The following WDR27 variants were observed in gnomAD, a reference collection of about 807,000 sequenced individuals.
WDR27 encodes WD repeat domain 27.
In WDR27, 100 loss-of-function variants were observed where a neutral mutation model predicts 114.4. The observed-to-expected ratio is 0.87, with a 90% CI of 0.74 to 1.03. The LOEUF is 1.03. Among genes scored for constraint, WDR27 ranks in the 50% least tolerant of loss-of-function variants. The pLI is 0.00. For missense variants in WDR27, 1,129 were observed against 1,092.9 expected (o/e 1.03, Z -0.47); for synonymous variants, 449 against 423.1 (o/e 1.06, Z -0.75).
intron 25 of WDR27, among the ~76,000 whole-genome samples, chr6:169,485,236 A>G (rs1335977345): frequency 6.6e-6 from 1 of 152,220 alleles, no homozygotes; most frequent in Non-Finnish European, 1.5e-5. Flanking sequence ...GATAACCTAC[A>G]GGATAAGATA....
At chr6:169,452,798 G>C (rs762684112), downstream of WDR27, among the ~76,000 whole-genome samples, 1 of 152,248 alleles carries the variant, frequency 6.6e-6, no homozygotes, top group Non-Finnish European at 1.5e-5. Context: ...AGAGAGAAAA[G>C]GCAATATGGC....
chr6:169,589,745 T>G (rs879320436), intron 23 of WDR27, among the ~76,000 whole-genome samples: 4 of 152,174 alleles, frequency 2.6e-5, no homozygotes, highest in Non-Finnish European at 5.9e-5. Flanking sequence ...ATAAGCCTCT[T>G]GTATGACACA....
intron 1 of WDR27, among the ~76,000 whole-genome samples, chr6:169,696,277 C>T (rs1299864710): frequency 1.3e-5 from 2 of 152,100 alleles, no homozygotes; most frequent in Non-Finnish European, 2.9e-5. Context: ...CAGGGTGACC[C>T]AAGGGTTGAG....
intron 24 of WDR27, among the ~76,000 whole-genome samples, chr6:169,578,415 G>A (rs1316937681): frequency 6.6e-6 from 1 of 152,154 alleles, no homozygotes; most frequent in East Asian, 1.9e-4. Context: ...TTGGATGAAT[G>A]GCAAGTCTAT....
intron 25 of WDR27, among the ~76,000 whole-genome samples, chr6:169,534,532 GT>G (rs760005460): frequency 6.6e-6 from 1 of 151,582 alleles, no homozygotes. Context: ...TTTGTGGGAA[GT>G]TTTTTTTATT....
chr6:169,674,012 T>C (rs1364204130), intron 2 of WDR27, among the ~76,000 whole-genome samples: 1 of 152,210 alleles, frequency 6.6e-6, no homozygotes, highest in African/African-American at 2.4e-5. Context: ...CAGTTATGAA[T>C]TGACTTAACA....
chr6:169,584,254 C>T (rs567337954), intron 23 of WDR27, among the ~76,000 whole-genome samples: 2 of 152,124 alleles, frequency 1.3e-5, no homozygotes, highest in African/African-American at 2.4e-5. Flanking sequence ...CAGGCTATAC[C>T]GTTGTGTGTA....
intron 25 of WDR27, among the ~76,000 whole-genome samples, chr6:169,557,437 A>G (rs919530249): frequency 6.6e-6 from 1 of 152,164 alleles, no homozygotes; most frequent in African/African-American, 2.4e-5. Context: ...GTGCAGGTGC[A>G]CCTGTGATGC....
intron 3 of WDR27, 134 bp from the exon 4 acceptor site, chr6:169,670,827 T>C: frequency 7.8e-7 from 1 of 1,278,438 alleles, no homozygotes. Flanking sequence ...GATGTGATTT[T>C]GATTCTTTAA....
chr6:169,654,101 A>C (rs745363458), intron 13 of WDR27, among the ~76,000 whole-genome samples: 20 of 152,350 alleles, frequency 1.3e-4, no homozygotes, highest in Non-Finnish European at 2.9e-4. Flanking sequence ...CAAAAAACTA[A>C]AGGCCCACTT....
chr6:169,635,021 G>C (rs763168825), intron 19 of WDR27, among the ~76,000 whole-genome samples: 1 of 152,222 alleles, frequency 6.6e-6, no homozygotes, highest in African/African-American at 2.4e-5. Flanking sequence ...TGCCAGCCGA[G>C]ATGGGAACGC....
chr6:169,494,000 C>T (rs1327892602), intron 25 of WDR27, among the ~76,000 whole-genome samples: 2 of 152,172 alleles, frequency 1.3e-5, no homozygotes, highest in African/African-American at 4.8e-5. Flanking sequence ...GACTCTGATA[C>T]TTTCGACTGT....
chr6:169,528,719 G>T (rs1795232209), intron 25 of WDR27, among the ~76,000 whole-genome samples: 1 of 152,166 alleles, frequency 6.6e-6, no homozygotes, highest in Non-Finnish European at 1.5e-5. Context: ...TAGAGACGGG[G>T]TTTCACCATG....
chr6:169,440,419 C>T, the WDR27 span, among the ~76,000 whole-genome samples: 8 of 152,080 alleles, frequency 5.3e-5, no homozygotes, highest in Non-Finnish European at 8.8e-5. Context: ...TTTCAGGGGA[C>T]AAGCCTCACG....
chr6:169,472,736 T>C (rs16888048), intron 25 of WDR27, among the ~76,000 whole-genome samples: 1 of 152,202 alleles, frequency 6.6e-6, no homozygotes, highest in Non-Finnish European at 1.5e-5. Flanking sequence ...TGTGTGAGCA[T>C]TATTATTCTG....
intron 21 of WDR27, among the ~76,000 whole-genome samples, chr6:169,621,180 A>G (rs1406408457): frequency 6.6e-6 from 1 of 152,158 alleles, no homozygotes; most frequent in East Asian, 1.9e-4. Flanking sequence ...ATGCATGCAC[A>G]TATACATACA....
chr6:169,646,464 G>A lies in WDR27; in HGVS notation c.1657+1309C>T, dbSNP rs562780568. ...AAAAACAGGGTAGAAATAAATGATA[G>A]AGCTGGGCGCAGCGGCTCACACCTG... On this transcript the variant is annotated intron_variant, in intron 16 of 25. Coordinates refer to ENST00000448612, the MANE Select transcript of WDR27 (RefSeq NM_182552.5). 2.1e-3 allele frequency among the ~76,000 whole-genome samples: 314 copies of A among 152,290 alleles called. 1 individual carries two copies. The highest frequency in any genetic ancestry group is 7.3e-3 in the African/African-American group (305 of 41,562).
chr6:169,532,176 A>T (rs777901631), intron 25 of WDR27, among the ~76,000 whole-genome samples: 2 of 152,088 alleles, frequency 1.3e-5, no homozygotes, highest in Non-Finnish European at 1.5e-5. Context: ...TCAATTTTTT[A>T]AATTTCTTAA....
intron 25 of WDR27, among the ~76,000 whole-genome samples, chr6:169,508,536 T>G (rs143774608): frequency 4.6e-5 from 7 of 152,304 alleles, no homozygotes; most frequent in African/African-American, 1.7e-4. Context: ...TAAGAGTGAA[T>G]AGTCTAAAGT....
Sources: allele counts gnomAD v4.1 joint callset (sites outside exome capture counted in the v4.1 genomes callset), GRCh38; gene constraint gnomAD v4.1.1; transcripts MANE v1.5; gene names NCBI Gene and HGNC (gene_info 2026-07-23, HGNC 2026-07-21).